The following ABCC4 variants were observed in gnomAD, a reference collection of about 807,000 sequenced individuals.
ABCC4 encodes ATP binding cassette subfamily C member 4 (PEL blood group).
ABCC4 carries 102 observed loss-of-function variants against 168.5 expected under a neutral mutation model. The observed-to-expected ratio is 0.61, with a 90% CI of 0.52 to 0.71. ABCC4 has a LOEUF of 0.71. ABCC4 is among the 30% of genes least tolerant of loss of function. The pLI is 0.00. For missense variants in ABCC4, 1,402 were observed against 1,605.8 expected (o/e 0.87, Z 2.17); for synonymous variants, 617 against 590.7 (o/e 1.04, Z -0.65).
chr13:95,098,877 A>G (rs986869265), intron 20 of ABCC4, among the ~76,000 whole-genome samples: 1 of 152,168 alleles, frequency 6.6e-6, no homozygotes, highest in Non-Finnish European at 1.5e-5. Context: ...GATCATACTA[A>G]ATGTTGGCGA....
chr13:95,148,045 A>G (rs1468876259), intron 19 of ABCC4, among the ~76,000 whole-genome samples: 9 of 152,164 alleles, frequency 5.9e-5, no homozygotes, highest in Admixed American at 5.9e-4. Context: ...CTTTGCATCC[A>G]GGAAAACACA....
At chr13:95,221,839 G>A (rs2039318448) in intron 4 of ABCC4, among the ~76,000 whole-genome samples, 1 of 152,130 alleles carries the variant, frequency 6.6e-6, no homozygotes, top group South Asian at 2.1e-4. Flanking sequence ...TTCAATATAA[G>A]TCCTGGGGAA....
Position 95,218,435 on chromosome 13 carries a change from C to A in ABCC4, c.532-7654G>T, listed in dbSNP as rs142999855. Among the ~76,000 whole-genome samples the A allele has an allele frequency of 2.9e-3, 443 of 152,278 alleles. 6 individuals carry two copies. Among genetic ancestry groups the A allele is most frequent in the African/African-American group, 0.01 (430 of 41,544 alleles). On this transcript the variant is annotated intron_variant, in intron 4 of 30. Coordinates refer to ENST00000645237, the MANE Select transcript of ABCC4 (RefSeq NM_005845.5). Reference sequence around the variant, plus strand: ...ATGAAATTTAAGGAGATGAAAATGTCCATCCAAAATCAACAACCTGTATGT... The same window carrying A: ...ATGAAATTTAAGGAGATGAAAATGTACATCCAAAATCAACAACCTGTATGT...
intron 1 of ABCC4, among the ~76,000 whole-genome samples, chr13:95,282,013 A>C (rs1209296953): frequency 6.6e-6 from 1 of 152,072 alleles, no homozygotes; most frequent in East Asian, 1.9e-4. Flanking sequence ...AGGCTGAGGC[A>C]GGAGAATTGC....
intron 1 of ABCC4, among the ~76,000 whole-genome samples, chr13:95,283,375 T>G (rs1197386911): frequency 6.6e-5 from 5 of 75,762 alleles, no homozygotes; most frequent in Non-Finnish European, 1.0e-4. Flanking sequence ...TTTTTTTTTT[T>G]TTTTTTTTTT....
At chr13:95,111,709 C>T (rs1444291019) in intron 20 of ABCC4, among the ~76,000 whole-genome samples, 1 of 152,178 alleles carries the variant, frequency 6.6e-6, no homozygotes, top group Non-Finnish European at 1.5e-5. Context: ...CTCACAAATA[C>T]AAATATTTTA....
intron 1 of ABCC4, among the ~76,000 whole-genome samples, chr13:95,283,376 T>G (rs1182046992): frequency 7.3e-6 from 1 of 136,842 alleles, no homozygotes; most frequent in Non-Finnish European, 1.6e-5. Flanking sequence ...TTTTTTTTTT[T>G]TTTTTTTTTT....
At chr13:95,187,153 T>C (rs904808006) in intron 10 of ABCC4, among the ~76,000 whole-genome samples, 4 of 152,160 alleles carry the variant, frequency 2.6e-5, no homozygotes, top group Non-Finnish European at 5.9e-5. Context: ...TGCCCCTAAA[T>C]GAAATGGTAC....
At chr13:95,178,482 G>A (rs1308225509) in intron 11 of ABCC4, among the ~76,000 whole-genome samples, 1 of 152,216 alleles carries the variant, frequency 6.6e-6, no homozygotes, top group East Asian at 1.9e-4. Context: ...CTGGCTTAGG[G>A]AGACAGAGTG....
At chr13:95,057,931 C>T (rs2033126091) in intron 26 of ABCC4, among the ~76,000 whole-genome samples, 1 of 152,222 alleles carries the variant, frequency 6.6e-6, no homozygotes, top group Admixed American at 6.5e-5. Flanking sequence ...GCTTTCTGCA[C>T]TGCAGACCAG....
At chr13:95,087,424 C>T (rs540704323) in intron 20 of ABCC4, among the ~76,000 whole-genome samples, 48 of 152,106 alleles carry the variant, frequency 3.2e-4, no homozygotes, top group Non-Finnish European at 4.4e-4. Context: ...GAGGCTGAGG[C>T]TTGCAGTGAG....
intron 11 of ABCC4, among the ~76,000 whole-genome samples, chr13:95,185,488 C>T (rs1221980800): frequency 6.6e-6 from 1 of 152,234 alleles, no homozygotes; most frequent in African/African-American, 2.4e-5. Context: ...ACCTGATTGA[C>T]AGACTCTGAT....
rs186300566 is a variant in ABCC4 at position 95,290,968 on chromosome 13, G to A, written c.74+10273C>T. 4.5e-3 allele frequency among the ~76,000 whole-genome samples: 537 copies of A among 120,008 alleles called. 1 individual carries two copies. The highest frequency in any genetic ancestry group is 7.8e-3 in the Admixed American group (69 of 8,878). The allele number at this position is 120,008 out of a possible 152,430, so 78.7% of individuals were successfully genotyped here. On this transcript the variant is annotated intron_variant, in intron 1 of 30. Coordinates refer to ENST00000645237, the MANE Select transcript of ABCC4 (RefSeq NM_005845.5). ...AGCTGAGGTTGCGCCACTGCACTTC[G>A]GCCTGGGCGACAGAGCAAGACCCTG...
chr13:95,134,649 G>A (rs1274977509), intron 19 of ABCC4, among the ~76,000 whole-genome samples: 9 of 152,146 alleles, frequency 5.9e-5, no homozygotes, highest in Non-Finnish European at 1.3e-4. Flanking sequence ...GAACCCAAGA[G>A]GCGGAGGTTG....
chr13:95,172,299 A>G (rs933409149), intron 13 of ABCC4, among the ~76,000 whole-genome samples: 4 of 152,232 alleles, frequency 2.6e-5, no homozygotes, highest in Admixed American at 6.5e-5. Flanking sequence ...CTACATTAAG[A>G]GGCCAGCCAC....
At chr13:95,213,525 A>G (rs1210362337) in intron 4 of ABCC4, among the ~76,000 whole-genome samples, 2 of 152,196 alleles carry the variant, frequency 1.3e-5, no homozygotes, top group Admixed American at 6.5e-5. Flanking sequence ...GCCAGACTCC[A>G]TGAGGCCTAG....
rs145723267 is a variant in ABCC4, at chr13:95,246,172, G to A, written c.306+803C>T. Among the ~76,000 whole-genome samples, 436 of 152,282 alleles carry A rather than the reference G, an allele frequency of 2.9e-3. 2 individuals are homozygous for A. The highest frequency in any genetic ancestry group is 9.8e-3 in the African/African-American group (406 of 41,574). Reference sequence around the variant, plus strand: ...AACAGAGGTTATTGCCCTTCTGGCTGTCTTTGATTTTTCATGGAATGTCCA... The same window carrying A: ...AACAGAGGTTATTGCCCTTCTGGCTATCTTTGATTTTTCATGGAATGTCCA... On this transcript the variant is annotated intron_variant, in intron 3 of 30. Coordinates refer to ENST00000645237, the MANE Select transcript of ABCC4 (RefSeq NM_005845.5).
At chr13:95,266,461 T>C (rs1034749718) in intron 1 of ABCC4, among the ~76,000 whole-genome samples, 3 of 152,120 alleles carry the variant, frequency 2.0e-5, no homozygotes, top group Non-Finnish European at 4.4e-5. Context: ...AGAGAATAAA[T>C]GTCTATTGTC....
At chr13:95,095,875 T>A (rs2034579302) in intron 20 of ABCC4, 1 of 335,388 alleles carries the variant, frequency 3.0e-6, no homozygotes, top group Admixed American at 4.8e-5. Context: ...TAAAGAATTC[T>A]ACAAATCAGT....
Sources: gnomAD v4.1 joint callset for allele counts (sites outside exome capture counted in the v4.1 genomes callset) on GRCh38, gnomAD v4.1.1 for gene constraint, MANE v1.5 for transcripts, NCBI Gene and HGNC (gene_info 2026-07-23, HGNC 2026-07-21) for gene names.